The following TMEM266 variants were observed in gnomAD, a reference collection of about 807,000 sequenced individuals.
TMEM266 encodes transmembrane protein 266, also known as Hv1 related protein 1.
Under a neutral mutation model 50.5 loss-of-function variants are expected in TMEM266, and 33 were observed. That is an observed-to-expected ratio of 0.65 (90% CI 0.50 to 0.87). The LOEUF (loss-of-function observed/expected upper bound fraction) is 0.87, where lower values mean the gene tolerates loss of function less well. Ranked by LOEUF, TMEM266 falls within the 40% of genes least tolerant of loss-of-function variation. The pLI is 0.00. For missense variants in TMEM266, 655 were observed against 695.1 expected (o/e 0.94, Z 0.65); for synonymous variants, 310 against 292.3 (o/e 1.06, Z -0.62).
At chr15:76,084,045 A>G (rs1406618957) in intron 1 of TMEM266, among the ~76,000 whole-genome samples, 2 of 152,204 alleles carry the variant, frequency 1.3e-5, no homozygotes, top group African/African-American at 4.8e-5. Flanking sequence ...GTGGTCGCTC[A>G]TTACAGGAAT....
Position 76,192,035 on chromosome 15 carries a change from C to G in TMEM266, c.836C>G (p.Ala279Gly). 6.4e-7 allele frequency: 1 copy of G among 1,564,284 alleles called. No homozygotes were observed. Among genetic ancestry groups the G allele is most frequent in the Non-Finnish European group, 8.6e-7 (1 of 1,161,296 alleles). Residue 279 changes from alanine to glycine, a missense_variant, in exon 9 of 11, where the codon GCG (alanine) becomes GGG (glycine). Coordinates refer to ENST00000388942, the MANE Select transcript of TMEM266 (RefSeq NM_152335.3). The stretch of plus-strand genomic sequence containing the variant: ...CTGGACCTGGCTGCCGAGCGCGAAG[C>G]GGCGCTCCAGGCCCCGCACGTGCTC...
rs370445042 is a variant in TMEM266 at position 76,137,741 on chromosome 15, A to G, written c.73A>G (p.Ile25Val). The G allele has an allele frequency of 7.9e-5, 127 of 1,614,026 alleles. No homozygotes were observed. The highest frequency in any genetic ancestry group is 3.3e-5 in the Admixed American group (2 of 60,004). Reference sequence around the variant, plus strand: ...AGAAGGAGGAATTTCTGAAGTTGAGATCATCTCCCAACAAGTAGACGAAGA... The same window carrying G: ...AGAAGGAGGAATTTCTGAAGTTGAGGTCATCTCCCAACAAGTAGACGAAGA... The change falls in exon 3 of 11, where the codon ATC becomes GTC. Residue 25 changes from isoleucine to valine, a missense_variant. Physicochemically the swap from Ile to Val is conservative, Grantham distance 29 (BLOSUM62 3). Around this residue, in one of 3 missense-constraint regions of TMEM266, gnomAD observed 99 missense variants for 110.8 expected, o/e 0.89. Transcript: ENST00000388942.
At chr15:76,128,951 T>C (rs1198449589) in intron 1 of TMEM266, among the ~76,000 whole-genome samples, 1 of 152,160 alleles carries the variant, frequency 6.6e-6, no homozygotes, top group African/African-American at 2.4e-5. Context: ...ACCTCACTGA[T>C]CATTTTGGAA....
intron 1 of TMEM266, among the ~76,000 whole-genome samples, chr15:76,082,619 G>A (rs1191269727): frequency 4.2e-5 from 5 of 119,556 alleles, no homozygotes; most frequent in African/African-American, 5.8e-5. Flanking sequence ...GTGAAGGGGC[G>A]GCAAGCGTGG....
rs113376239 is a variant in TMEM266, at chr15:76,074,930, A to T, written c.-97+14914A>T. Reference sequence around the variant, plus strand: ...TGATGGATTGGTTGTGGGGTGGGAGAGAAAGAAAGAAGTCAAGATTAACTT... The same window carrying T: ...TGATGGATTGGTTGTGGGGTGGGAGTGAAAGAAAGAAGTCAAGATTAACTT... On this transcript the variant is annotated intron_variant, in intron 1 of 10. Coordinates refer to ENST00000388942, the MANE Select transcript of TMEM266 (RefSeq NM_152335.3). 5.0e-3 allele frequency among the ~76,000 whole-genome samples: 765 copies of T among 152,088 alleles called. 18 individuals are homozygous for T. Among genetic ancestry groups the T allele is most frequent in the African/African-American group, 0.017 (714 of 41,394 alleles).
intron 1 of TMEM266, among the ~76,000 whole-genome samples, chr15:76,073,633 G>C (rs2036567860): frequency 6.6e-6 from 1 of 152,208 alleles, no homozygotes; most frequent in South Asian, 2.1e-4. Flanking sequence ...AGTTATATTG[G>C]TTGGAAAAGT....
chr15:76,086,669 T>A (rs931701908), intron 1 of TMEM266, among the ~76,000 whole-genome samples: 7 of 152,128 alleles, frequency 4.6e-5, no homozygotes, highest in Admixed American at 4.6e-4. Context: ...CCTATGTAAA[T>A]GAAGTAGTGG....
At chr15:76,186,387 T>G (rs2038490731) in intron 8 of TMEM266, among the ~76,000 whole-genome samples, 1 of 152,150 alleles carries the variant, frequency 6.6e-6, no homozygotes, top group Non-Finnish European at 1.5e-5. Flanking sequence ...CTCCTGAAGT[T>G]CCCCTGGGCT....
chr15:76,145,168 G>A (rs933137222), intron 3 of TMEM266, among the ~76,000 whole-genome samples: 2 of 152,124 alleles, frequency 1.3e-5, no homozygotes, highest in African/African-American at 4.8e-5. Flanking sequence ...CCGCAGTGTC[G>A]GCTTCATCCT....
intron 8 of TMEM266, among the ~76,000 whole-genome samples, chr15:76,191,127 G>A (rs903441593): frequency 3.3e-5 from 5 of 152,244 alleles, no homozygotes; most frequent in Non-Finnish European, 7.3e-5. Flanking sequence ...AAATTAAAAT[G>A]TGTGCAGCTT....
chr15:76,192,201 GAT>G, intron 9 of TMEM266, 44 bp downstream of exon 9: 1 of 1,385,716 alleles, frequency 7.2e-7, no homozygotes, highest in Non-Finnish European at 9.3e-7. Flanking sequence ...CACGGCCGGG[GAT>G]CCCCCTCGCC....
chr15:76,189,028 T>G (rs1194313847), intron 8 of TMEM266, among the ~76,000 whole-genome samples: 1 of 152,034 alleles, frequency 6.6e-6, no homozygotes, highest in Non-Finnish European at 1.5e-5. Context: ...ATCTTGTCCC[T>G]ACAAAATATA....
chr15:76,080,219 T>G (rs542323445), intron 1 of TMEM266, among the ~76,000 whole-genome samples: 113 of 143,852 alleles, frequency 7.9e-4, no homozygotes, highest in African/African-American at 2.3e-3. Flanking sequence ...ATACAAAAAT[T>G]AGCCAGGCAT....
chr15:76,181,485 A>G (rs2038404347), intron 8 of TMEM266: 1 of 152,264 alleles, frequency 6.6e-6, no homozygotes, highest in Non-Finnish European at 1.5e-5. Flanking sequence ...CGCTGCTGTG[A>G]TAGAAGCACA....
At position 76,164,847 on chromosome 15, in the gene TMEM266, C is replaced by T. The variant is rs556586273; in HGVS notation, c.456+4679C>T. 1.4e-4 allele frequency among the ~76,000 whole-genome samples: 21 copies of T among 152,286 alleles called. No homozygotes were observed. In the East Asian group the frequency reaches 2.3e-3, roughly 17 times the overall value. On this transcript the variant is annotated intron_variant, in intron 5 of 10. Coordinates refer to ENST00000388942, the MANE Select transcript of TMEM266 (RefSeq NM_152335.3). The stretch of plus-strand genomic sequence containing the variant: ...CGGCTGCTCCCTTCTCCCTGGCTGG[C>T]GGGCCCCACATGGGGATGGCTCTGC...
chr15:76,156,584 C>A lies in TMEM266; in HGVS notation c.228-20C>A, dbSNP rs527783351. ...CCCTCCCACTCTGAGCCTCTCTTCT[C>A]CCCACTTTTGTCCCCACAGGTCTAA... On this transcript the variant is annotated intron_variant, in intron 3 of 10. Transcript: ENST00000388942. The A allele has an allele frequency of 6.2e-6, 10 of 1,612,622 alleles. No individual in the cohort carries two copies. The highest frequency in any genetic ancestry group is 5.3e-5 in the African/African-American group (4 of 74,982).
At chr15:76,176,625 C>T (rs1216307868) in intron 8 of TMEM266, among the ~76,000 whole-genome samples, 1 of 152,178 alleles carries the variant, frequency 6.6e-6, no homozygotes, top group Non-Finnish European at 1.5e-5. Context: ...AGACGCTAAG[C>T]CTGTGGCTCT....
Position 76,139,766 on chromosome 15 carries a change from C to G in TMEM266, c.227+1871C>G, listed in dbSNP as rs2037649328. ...GCCTGAGCCTGTTAGGCCCTTTTCA[C>G]GTGAAGAGTAGCATGGTATGGAGAA... On this transcript the variant is annotated intron_variant, in intron 3 of 10. Transcript: ENST00000388942. This position sits in a 1 kb window ranked among gnomAD's most constrained non-coding sequence, Gnocchi z 4.1. Among the ~76,000 whole-genome samples the G allele has an allele frequency of 6.6e-6, 1 of 152,238 alleles. No homozygotes were observed. Among genetic ancestry groups the G allele is most frequent in the Non-Finnish European group, 1.5e-5 (1 of 68,040 alleles).
chr15:76,090,774 G>C (rs974489225), intron 1 of TMEM266, among the ~76,000 whole-genome samples: 1 of 151,904 alleles, frequency 6.6e-6, no homozygotes, highest in Admixed American at 6.6e-5. Context: ...TGAGGAAGAG[G>C]GTAGGACAGG....
Sources: allele counts gnomAD v4.1 joint callset (sites outside exome capture counted in the v4.1 genomes callset), GRCh38; gene constraint gnomAD v4.1.1; regional missense constraint gnomAD v4.1.1; non-coding constraint Gnocchi (gnomAD v3.1); transcripts MANE v1.5; gene names NCBI Gene and HGNC (gene_info 2026-07-23, HGNC 2026-07-21).